Variants in PRKN observed in about 807,000 individuals in gnomAD.
PRKN encodes the protein E3 ubiquitin-protein ligase parkin.
PRKN carries 56 observed loss-of-function variants against 59.5 expected under a neutral mutation model. The observed-to-expected ratio is 0.94, with a 90% CI of 0.76 to 1.18. PRKN has a LOEUF of 1.18. PRKN is among the 50% of genes most tolerant of loss of function. The pLI is 0.00. For missense variants in PRKN, 657 were observed against 596.4 expected (o/e 1.10, Z -1.06); for synonymous variants, 250 against 222.1 (o/e 1.13, Z -1.12).
In PRKN at chr6:161,680,758, TATATA is replaced by T. The variant is rs1785309188; in HGVS notation, c.871+105009_871+105013del. Among the ~76,000 whole-genome samples the T allele has an allele frequency of 2.7e-3, 50 of 18,516 alleles. 3 individuals carry two copies. The highest frequency in any genetic ancestry group is 7.4e-3 in the African/African-American group (48 of 6,452). The allele number at this position is 18,516 out of a possible 152,430, so 12.1% of individuals were successfully genotyped here. A position where few individuals can be genotyped will look rare whatever the true frequency, so the allele number is the denominator to read the frequency against. ...ATATATATATATATATATATATATA[TATATA>T]TATATATATATATTTTTTTTTTTTT... is the stretch of plus-strand genomic sequence containing the variant. On this transcript the variant is annotated intron_variant, in intron 7 of 11. Coordinates refer to ENST00000366898, the MANE Select transcript of PRKN (RefSeq NM_004562.3).
At chr6:161,718,759 T>C (rs1787097095) in intron 7 of PRKN, among the ~76,000 whole-genome samples, 1 of 152,160 alleles carries the variant, frequency 6.6e-6, no homozygotes, top group South Asian at 2.1e-4. Context: ...CTGGAAATGA[T>C]GGGTGCAACT....
In PRKN at chr6:162,714,072, A is replaced by C. The variant is rs987408951; in HGVS notation, c.7+13590T>G. ...ATCATTTCTCCGCCCTGCTGTGAGC[A>C]ATGAGGTAAAGGTAGATTTTTTATT... On this transcript the variant is annotated intron_variant, in intron 1 of 11. Transcript: ENST00000366898. Among the ~76,000 whole-genome samples, 9 of 152,304 alleles carry C rather than the reference A, an allele frequency of 5.9e-5. No individual in the cohort carries two copies. The South Asian group carries it at 1.4e-3, about 25-fold the overall frequency.
chr6:162,002,531 C>T (rs1193173175), intron 5 of PRKN, among the ~76,000 whole-genome samples: 1 of 151,698 alleles, frequency 6.6e-6, no homozygotes, highest in Admixed American at 6.6e-5. Flanking sequence ...TGTTTCCTTT[C>T]TTACTTAACA....
At position 162,113,930 on chromosome 6, in the gene PRKN, T is replaced by C. The variant is rs369740847; in HGVS notation, c.535-59756A>G. On this transcript the variant is annotated intron_variant, in intron 4 of 11. Coordinates refer to ENST00000366898, the MANE Select transcript of PRKN (RefSeq NM_004562.3). ...AGGGATCCAGTTTCAGCTTTCTACA[T>C]ATGGCTAACCAGTTTTCCCAGCACC... Among the ~76,000 whole-genome samples, 68 of 152,172 alleles carry C rather than the reference T, an allele frequency of 4.5e-4. 3 individuals are homozygous for C. Among genetic ancestry groups the C allele is most frequent in the African/African-American group, 1.6e-3 (68 of 41,528 alleles).
chr6:162,573,084 CA>C (rs1246127215), intron 1 of PRKN, among the ~76,000 whole-genome samples: 1 of 152,144 alleles, frequency 6.6e-6, no homozygotes, highest in Non-Finnish European at 1.5e-5. Flanking sequence ...ATTTTATTTA[CA>C]ATTACATTTT....
chr6:161,896,610 T>G (rs1289819098), intron 6 of PRKN, among the ~76,000 whole-genome samples: 4 of 152,122 alleles, frequency 2.6e-5, no homozygotes, highest in African/African-American at 9.7e-5. Flanking sequence ...AAACACGGCA[T>G]GTAAGAACTA....
intron 1 of PRKN, among the ~76,000 whole-genome samples, chr6:162,455,715 G>A (rs1247007794): frequency 1.3e-5 from 2 of 150,010 alleles, no homozygotes; most frequent in Admixed American, 1.3e-4. Flanking sequence ...GTCAAAAGGC[G>A]GTCACTTTCC....
chr6:161,840,737 A>G (rs1042138742), intron 6 of PRKN, among the ~76,000 whole-genome samples: 1 of 152,154 alleles, frequency 6.6e-6, no homozygotes, highest in African/African-American at 2.4e-5. Context: ...TAGTTTGCTA[A>G]GGATAATGGC....
chr6:161,914,272 G>A (rs1389213724), intron 6 of PRKN, among the ~76,000 whole-genome samples: 1 of 152,046 alleles, frequency 6.6e-6, no homozygotes, highest in Non-Finnish European at 1.5e-5. Context: ...TATTGGTAAA[G>A]TGAAAAAAAG....
Position 162,642,757 on chromosome 6 carries a change from A to G in PRKN, c.7+84905T>C, listed in dbSNP as rs938369407. Among the ~76,000 whole-genome samples, 3 of 151,900 alleles carry G rather than the reference A, an allele frequency of 2.0e-5. No individual in the cohort carries two copies. The East Asian group carries it at 5.8e-4, about 29-fold the overall frequency. On this transcript the variant is annotated intron_variant, in intron 1 of 11. Transcript: ENST00000366898. ...CTTTTTTCTTAAGAAAAATGATTAA[A>G]CCAATCTAATCAAAAATTCACCTCA...
intron 1 of PRKN, among the ~76,000 whole-genome samples, chr6:162,592,479 G>C (rs1583868802): frequency 6.6e-6 from 1 of 152,230 alleles, no homozygotes; most frequent in East Asian, 1.9e-4. Context: ...GGGTTCTGTG[G>C]GGATTTGTAC....
At chr6:162,492,017 C>T (rs1009672410) in intron 1 of PRKN, among the ~76,000 whole-genome samples, 6 of 152,122 alleles carry the variant, frequency 3.9e-5, no homozygotes, top group African/African-American at 4.8e-5. Context: ...CTGTGGCAGA[C>T]GTGTCTCGGG....
intron 2 of PRKN, among the ~76,000 whole-genome samples, chr6:162,436,219 C>CA (rs961790452): frequency 3.6e-5 from 5 of 140,518 alleles, no homozygotes; most frequent in South Asian, 2.3e-4. Context: ...AATAAATTAC[C>CA]AAAAAAAACC....
intron 3 of PRKN, among the ~76,000 whole-genome samples, chr6:162,211,038 A>G (rs978995236): frequency 2.0e-5 from 3 of 152,176 alleles, no homozygotes; most frequent in African/African-American, 7.2e-5. Flanking sequence ...CCAAGACAGC[A>G]CTCGGGGTCA....
chr6:162,208,958 T>G (rs1785075552), intron 3 of PRKN, among the ~76,000 whole-genome samples: 1 of 152,106 alleles, frequency 6.6e-6, no homozygotes, highest in South Asian at 2.1e-4. Context: ...CAAGATGGAT[T>G]AAAGACTAAA....
intron 3 of PRKN, among the ~76,000 whole-genome samples, chr6:162,212,160 C>T (rs982818593): frequency 1.2e-4 from 18 of 151,956 alleles, no homozygotes; most frequent in South Asian, 2.1e-4. Flanking sequence ...ACTCAGGGGC[C>T]GCCTCTCTCC....
chr6:162,170,159 T>C (rs1443975251), intron 4 of PRKN, among the ~76,000 whole-genome samples: 1 of 152,180 alleles, frequency 6.6e-6, no homozygotes, highest in Non-Finnish European at 1.5e-5. Context: ...TTTCTTACTC[T>C]CTGTCTCCAT....
chr6:161,843,942 G>A (rs923679470), intron 6 of PRKN, among the ~76,000 whole-genome samples: 7 of 152,122 alleles, frequency 4.6e-5, no homozygotes, highest in South Asian at 4.1e-4. Context: ...GGTAACCTGC[G>A]TGGAAGGCTC....
chr6:161,713,346 T>C (rs1341566885), intron 7 of PRKN, among the ~76,000 whole-genome samples: 1 of 152,150 alleles, frequency 6.6e-6, no homozygotes, highest in South Asian at 2.1e-4. Context: ...TGGTCTCTAG[T>C]ACCCCCTTCC....
Sources: gnomAD v4.1 joint callset for allele counts (sites outside exome capture counted in the v4.1 genomes callset) on GRCh38, gnomAD v4.1.1 for gene constraint, MANE v1.5 for transcripts, NCBI Gene and HGNC (gene_info 2026-07-23, HGNC 2026-07-21) for gene names.